Variants in CALN1 observed in about 807,000 individuals in gnomAD.
CALN1 encodes calcium-binding protein 8.
CALN1 carries 17 observed loss-of-function variants against 30.6 expected under a neutral mutation model. The ratio of observed to expected loss-of-function variants is 0.56; its 90% CI spans 0.38 to 0.83. The LOEUF is 0.83. CALN1 is among the 40% of genes least tolerant of loss of function. The pLI is 0.00. For synonymous variants in CALN1, 156 were observed against 131.4 expected (o/e 1.19, Z -1.28); for missense variants, 291 against 354.9 (o/e 0.82, Z 1.45).
intron 5 of CALN1, among the ~76,000 whole-genome samples, chr7:71,990,873 C>A (rs922759504): frequency 6.6e-6 from 1 of 152,066 alleles, no homozygotes; most frequent in Non-Finnish European, 1.5e-5. Flanking sequence ...TCTTTGGGGT[C>A]TGGATTGGGG....
chr7:72,314,154 T>C (rs558606690), intron 2 of CALN1, among the ~76,000 whole-genome samples: 15 of 152,240 alleles, frequency 9.9e-5, no homozygotes, highest in African/African-American at 2.6e-4. Context: ...GGAGCCAGTC[T>C]ATGCACAGAA....
upstream of CALN1, among the ~76,000 whole-genome samples, chr7:72,451,213 AGGAGG>A (rs1562973706): frequency 4.5e-4 from 51 of 114,452 alleles, 1 homozygote; most frequent in East Asian, 1.2e-3. Context: ...AAGAAGAAGG[AGGAGG>A]AGGAGGAGGA....
intron 2 of CALN1, among the ~76,000 whole-genome samples, chr7:72,336,418 G>A (rs1802041937): frequency 6.6e-6 from 1 of 152,068 alleles, no homozygotes; most frequent in Non-Finnish European, 1.5e-5. Flanking sequence ...CGGGACAGCC[G>A]AGTCCGCCGC....
chr7:72,404,511 C>A (rs1053345740), intron 1 of CALN1, among the ~76,000 whole-genome samples: 1 of 152,322 alleles, frequency 6.6e-6, no homozygotes, highest in East Asian at 1.9e-4. Context: ...GCCCCGGCCA[C>A]CATGGATCAG....
chr7:71,872,123 C>T (rs1791971950), intron 5 of CALN1, among the ~76,000 whole-genome samples: 1 of 152,188 alleles, frequency 6.6e-6, no homozygotes, highest in Non-Finnish European at 1.5e-5. Context: ...CATAGTAGGT[C>T]TATCATTGAT....
At chr7:72,441,929 C>A (rs1808358908) in intron 1 of CALN1, among the ~76,000 whole-genome samples, 1 of 152,064 alleles carries the variant, frequency 6.6e-6, no homozygotes, top group South Asian at 2.1e-4. Context: ...AACATCTCCA[C>A]CGGGAGCCTC....
intron 5 of CALN1, among the ~76,000 whole-genome samples, chr7:71,986,910 T>C (rs1372607857): frequency 3.3e-5 from 5 of 152,150 alleles, no homozygotes; most frequent in Non-Finnish European, 7.3e-5. Flanking sequence ...GGCAGATCAC[T>C]TGAGACCAGG....
chr7:72,103,493 C>T (rs902073378), intron 4 of CALN1, among the ~76,000 whole-genome samples: 3 of 152,054 alleles, frequency 2.0e-5, no homozygotes, highest in African/African-American at 7.3e-5. Flanking sequence ...TCTTACGGCT[C>T]TACTTATGGG....
intron 5 of CALN1, among the ~76,000 whole-genome samples, chr7:71,817,155 G>A (rs946689491): frequency 6.6e-6 from 1 of 152,072 alleles, no homozygotes; most frequent in African/African-American, 2.4e-5. Context: ...ATGCCAACAA[G>A]CCTTTCTTCT....
chr7:71,967,641 AAG>A (rs1797595590), intron 5 of CALN1, among the ~76,000 whole-genome samples: 1 of 149,682 alleles, frequency 6.7e-6, no homozygotes, highest in African/African-American at 2.5e-5. Flanking sequence ...AAAAAAAAAA[AAG>A]AAAGAAAAGA....
intron 5 of CALN1, among the ~76,000 whole-genome samples, chr7:71,867,159 A>G (rs1791635021): frequency 6.6e-6 from 1 of 152,026 alleles, no homozygotes; most frequent in Non-Finnish European, 1.5e-5. Flanking sequence ...AAAAAAACTA[A>G]GGACATTTAC....
At chr7:72,407,258 G>T (rs1400065201) in intron 1 of CALN1, among the ~76,000 whole-genome samples, 1 of 152,192 alleles carries the variant, frequency 6.6e-6, no homozygotes, top group East Asian at 1.9e-4. Context: ...TCTGCAAAAT[G>T]AACCTGATAA....
intron 3 of CALN1, among the ~76,000 whole-genome samples, chr7:72,186,728 C>T (rs1176862463): frequency 2.0e-5 from 3 of 151,988 alleles, no homozygotes; most frequent in Admixed American, 6.5e-5. Context: ...TGTGTGGCTG[C>T]GAAGGACATG....
At chr7:72,461,426 T>C in the CALN1 span, among the ~76,000 whole-genome samples, 5 of 152,076 alleles carry the variant, frequency 3.3e-5, no homozygotes, top group African/African-American at 7.2e-5. Context: ...CAGTGGTGAA[T>C]TGGATAAAGA....
intron 2 of CALN1, among the ~76,000 whole-genome samples, chr7:72,313,058 C>G (rs1034853127): frequency 3.9e-5 from 6 of 152,126 alleles, no homozygotes; most frequent in African/African-American, 1.4e-4. Context: ...TGGTCTCGAA[C>G]TCCTGACCTC....
At chr7:72,053,875 G>A (rs1347883023) in intron 4 of CALN1, among the ~76,000 whole-genome samples, 1 of 150,414 alleles carries the variant, frequency 6.6e-6, no homozygotes, top group Non-Finnish European at 1.5e-5. Context: ...ACGTATCGGT[G>A]AGAACATACG....
At chr7:72,269,518 A>G (rs1796832715) in intron 3 of CALN1, among the ~76,000 whole-genome samples, 1 of 152,184 alleles carries the variant, frequency 6.6e-6, no homozygotes, top group Non-Finnish European at 1.5e-5. Flanking sequence ...AACAGAAAAC[A>G]AATACTATAA....
chr7:71,840,893 T>A (rs1789901228), intron 5 of CALN1, among the ~76,000 whole-genome samples: 1 of 152,144 alleles, frequency 6.6e-6, no homozygotes, highest in African/African-American at 2.4e-5. Flanking sequence ...CCTTTCTATA[T>A]TTTACTAAGA....
At chr7:72,345,875 C>A (rs1337681216) in intron 2 of CALN1, among the ~76,000 whole-genome samples, 3 of 152,062 alleles carry the variant, frequency 2.0e-5, no homozygotes, top group Non-Finnish European at 2.9e-5. Context: ...AAATGTATAG[C>A]CACTATAATT....
Sources: allele counts gnomAD v4.1 joint callset (sites outside exome capture counted in the v4.1 genomes callset), GRCh38; gene constraint gnomAD v4.1.1; transcripts MANE v1.5; gene names NCBI Gene and HGNC (gene_info 2026-07-23, HGNC 2026-07-21).